The following ZC3H15 variants were observed in gnomAD, a reference collection of about 807,000 sequenced individuals.
ZC3H15 encodes the protein zinc finger CCCH domain-containing protein 15.
Under a neutral mutation model 51.2 loss-of-function variants are expected in ZC3H15, and 15 were observed. The observed-to-expected ratio is 0.29, with a 90% CI of 0.20 to 0.45. The LOEUF (loss-of-function observed/expected upper bound fraction) is 0.45. ZC3H15 is among the 20% of genes least tolerant of loss of function. The pLI, the probability that ZC3H15 is intolerant of heterozygous loss-of-function variation, is 1.00. For synonymous variants in ZC3H15, 144 were observed against 162.8 expected (o/e 0.88, Z 0.88); for missense variants, 381 against 494.7 (o/e 0.77, Z 2.18).
At chr2:186,503,914 T>C (rs1685426510) in intron 5 of ZC3H15, 118 bp from the exon 6 acceptor site, 2 of 748,064 alleles carry the variant, frequency 2.7e-6, no homozygotes, top group Admixed American at 3.1e-5. Flanking sequence ...CAGAAATGAA[T>C]AGAATGTACT....
intron 8 of ZC3H15, chr2:186,506,050 G>A (rs1022804444): frequency 1.0e-4 from 68 of 664,052 alleles, no homozygotes; most frequent in Middle Eastern, 4.9e-4. Flanking sequence ...AGAATTAATC[G>A]AGTTCATGAA....
rs1685261987 is a variant in ZC3H15 at position 186,495,153 on chromosome 2, A to T, written c.76-80A>T. 4 of 793,754 alleles carry T rather than the reference A, an allele frequency of 5.0e-6. No individual in the cohort carries two copies. In the Admixed American group the frequency reaches 1.1e-4, roughly 23 times the overall value. 49.2% of individuals were successfully genotyped at this position (793,754 alleles called of 1,614,324 possible). On this transcript the variant is annotated intron_variant, in intron 1 of 9. Coordinates refer to ENST00000337859, the MANE Select transcript of ZC3H15 (RefSeq NM_018471.3). ...TAGTAAAGAATAATTATCAATAAAA[A>T]TAATGATTTTTAGATATCATTGGAG...
Position 186,501,261 on chromosome 2 carries a change from C to T in ZC3H15, c.290-12C>T. 1.3e-6 allele frequency: 2 copies of T among 1,593,068 alleles called. No individual in the cohort carries two copies. The highest frequency in any genetic ancestry group is 2.2e-5 in the East Asian group (1 of 44,602). ...AGATTATAATACAAATACCATATGC[C>T]ATTTGACATAGGTGCAGATCCCAAG... On this transcript the variant is annotated splice_polypyrimidine_tract_variant and intron_variant, in intron 3 of 9. Transcript: ENST00000337859.
intron 8 of ZC3H15, chr2:186,506,067 G>A (rs1685462351): frequency 1.6e-6 from 1 of 629,332 alleles, no homozygotes; most frequent in African/African-American, 1.8e-5. Flanking sequence ...TGAATTAGTA[G>A]TTCTTTATAC....
chr2:186,492,636 A>T (rs1432903133), intron 1 of ZC3H15, among the ~76,000 whole-genome samples: 1 of 152,154 alleles, frequency 6.6e-6, no homozygotes, highest in Non-Finnish European at 1.5e-5. Context: ...TCTTAAGACT[A>T]TTGAAAGATC....
rs759781450 is a variant in ZC3H15, at chr2:186,486,361, G to T, written c.-22G>T. 1 of 1,528,720 alleles carries T rather than the reference G, an allele frequency of 6.5e-7. No homozygotes were observed. The highest frequency in any genetic ancestry group is 2.5e-5 in the East Asian group (1 of 39,642). 94.7% of individuals were successfully genotyped at this position (1,528,720 alleles called of 1,614,324 possible). On this transcript the variant is annotated 5_prime_UTR_variant, in exon 1 of 10. Coordinates refer to ENST00000337859, the MANE Select transcript of ZC3H15 (RefSeq NM_018471.3). ...CGGTATTCAGCTGCGCGTAAGTCTG[G>T]CCGGTGCCATCTGTCTCCGCAATGC... is the stretch of plus-strand genomic sequence containing the variant.
In ZC3H15 at chr2:186,488,209, G is replaced by A. The variant is rs867916615; in HGVS notation, c.75+1752G>A. Among the ~76,000 whole-genome samples, 11 of 151,958 alleles carry A rather than the reference G, an allele frequency of 7.2e-5. No individual in the cohort carries two copies. In the South Asian group the frequency reaches 2.1e-3, roughly 29 times the overall value. On this transcript the variant is annotated intron_variant, in intron 1 of 9. Coordinates refer to ENST00000337859, the MANE Select transcript of ZC3H15 (RefSeq NM_018471.3). ...AGGTATAACTTATGTAAAATAAAAT[G>A]TACAGGTTCTAGATGTATAGTTCTA...
At chr2:186,490,939 C>CG (rs1685187569) in intron 1 of ZC3H15, among the ~76,000 whole-genome samples, 2 of 152,266 alleles carry the variant, frequency 1.3e-5, no homozygotes, top group Non-Finnish European at 2.9e-5. Context: ...CAATGAGGAC[C>CG]ATTATTCTCC....
At chr2:186,500,583 G>A (rs755217887) in intron 3 of ZC3H15, 2 of 544,292 alleles carry the variant, frequency 3.7e-6, no homozygotes, top group South Asian at 1.5e-5. Flanking sequence ...TAGTAGGTAA[G>A]CAAAGCCATA....
At chr2:186,494,669 A>G (rs558846686) in intron 1 of ZC3H15, among the ~76,000 whole-genome samples, 2 of 152,348 alleles carry the variant, frequency 1.3e-5, no homozygotes, top group Admixed American at 6.5e-5. Flanking sequence ...ATGCTTTAGA[A>G]AAAGCTTCAT....
intron 1 of ZC3H15, among the ~76,000 whole-genome samples, chr2:186,491,885 A>T (rs945822349): frequency 6.6e-6 from 1 of 152,132 alleles, no homozygotes; most frequent in African/African-American, 2.4e-5. Flanking sequence ...AGAGGTGAAC[A>T]CAACTCACTT....
intron 2 of ZC3H15, among the ~76,000 whole-genome samples, chr2:186,496,691 AC>A (rs1287489218): frequency 1.3e-5 from 2 of 152,252 alleles, no homozygotes; most frequent in African/African-American, 4.8e-5. Flanking sequence ...CCTAGATATT[AC>A]AGCCTACTAC....
chr2:186,495,791 AT>A (rs1439822035), intron 2 of ZC3H15, among the ~76,000 whole-genome samples: 2 of 152,186 alleles, frequency 1.3e-5, no homozygotes, highest in Non-Finnish European at 2.9e-5. Flanking sequence ...AGTACTTCAC[AT>A]TTTCATTTGT....
At chr2:186,494,586 A>C (rs1262049203) in intron 1 of ZC3H15, among the ~76,000 whole-genome samples, 1 of 152,188 alleles carries the variant, frequency 6.6e-6, no homozygotes, top group Non-Finnish European at 1.5e-5. Context: ...CATTTTCCTA[A>C]ATGTATTTAA....
intron 2 of ZC3H15, among the ~76,000 whole-genome samples, chr2:186,495,648 AC>A (rs1422510367): frequency 6.6e-6 from 1 of 152,212 alleles, no homozygotes; most frequent in Non-Finnish European, 1.5e-5. Context: ...CTGTAGAAAT[AC>A]AGGAGTTCTT....
chr2:186,495,090 C>A, intron 1 of ZC3H15, 143 bp from the exon 2 acceptor site: 1 of 477,098 alleles, frequency 2.1e-6, no homozygotes, highest in Non-Finnish European at 3.7e-6. Context: ...TCATATATTG[C>A]CTTGACTTGA....
Position 186,486,461 on chromosome 2 carries a change from A to G in ZC3H15, c.75+4A>G. On this transcript the variant is annotated splice_donor_region_variant and intron_variant, in intron 1 of 9. Coordinates refer to ENST00000337859, the MANE Select transcript of ZC3H15 (RefSeq NM_018471.3). ...AAAGAAGGAGAAGATTATCGAAGTGAGTACCCACCCCTCCCCCACTCACGC... is the reference window on the plus strand; with the variant it reads ...AAAGAAGGAGAAGATTATCGAAGTGGGTACCCACCCCTCCCCCACTCACGC... The G allele has an allele frequency of 6.4e-7, 1 of 1,558,580 alleles. No individual in the cohort carries two copies. Among genetic ancestry groups the G allele is most frequent in the Non-Finnish European group, 8.7e-7 (1 of 1,149,922 alleles).
chr2:186,501,184 G>T (rs375827538), intron 3 of ZC3H15, 89 bp from the exon 4 acceptor site: 25 of 1,390,922 alleles, frequency 1.8e-5, no homozygotes, highest in Non-Finnish European at 2.1e-5. Context: ...TGGAAAATAA[G>T]TTAACCAAAA....
intron 1 of ZC3H15, among the ~76,000 whole-genome samples, chr2:186,492,926 T>C (rs1685222706): frequency 6.6e-6 from 1 of 152,050 alleles, no homozygotes. Flanking sequence ...AAACCACCCA[T>C]AAACAAGAGA....
Sources: allele counts gnomAD v4.1 joint callset (sites outside exome capture counted in the v4.1 genomes callset), GRCh38; gene constraint gnomAD v4.1.1; transcripts MANE v1.5; gene names NCBI Gene and HGNC (gene_info 2026-07-23, HGNC 2026-07-21).